The following USH2A variants were observed in gnomAD, a reference collection of about 807,000 sequenced individuals.
USH2A encodes the protein usherin.
USH2A carries 443 observed loss-of-function variants against 538.9 expected under a neutral mutation model. The ratio of observed to expected loss-of-function variants is 0.82; its 90% confidence interval spans 0.76 to 0.89. The LOEUF (loss-of-function observed/expected upper bound fraction) is 0.89. USH2A is among the 40% of genes least tolerant of loss of function. USH2A has a pLI of 0.00. For missense variants in USH2A, 6,633 were observed against 6,324.8 expected, an observed-to-expected ratio of 1.05 and a Z score of -1.65; for synonymous variants, 2,413 against 2,273.5, an observed-to-expected ratio of 1.06 and a Z score of -1.75.
intron 9 of USH2A, among the ~76,000 whole-genome samples, chr1:216,303,162 A>C (rs2037245934): frequency 6.6e-6 from 1 of 152,014 alleles, no homozygotes; most frequent in South Asian, 2.1e-4. Context: ...ACGTTCCCTT[A>C]AGAGAACAGA....
chr1:216,206,124 C>T (rs946787215), intron 16 of USH2A, among the ~76,000 whole-genome samples: 7 of 151,924 alleles, frequency 4.6e-5, no homozygotes, highest in Admixed American at 2.6e-4. Flanking sequence ...AGTTCTTTAA[C>T]CTGAGAATTA....
chr1:216,351,181 GA>G (rs1197370452), intron 4 of USH2A, among the ~76,000 whole-genome samples: 2 of 152,144 alleles, frequency 1.3e-5, no homozygotes, highest in African/African-American at 2.4e-5. Context: ...ATTATAGAGG[GA>G]AAAACAGATA....
chr1:215,916,833 T>C (rs6661521), intron 38 of USH2A, among the ~76,000 whole-genome samples: 79,667 of 151,820 alleles, frequency 0.52, 21,661 homozygotes, highest in East Asian at 0.69. Context: ...TTAGCATCCA[T>C]AGGACCAAGG....
At chr1:216,127,752 T>C (rs2033284269) in intron 21 of USH2A, among the ~76,000 whole-genome samples, 1 of 152,202 alleles carries the variant, frequency 6.6e-6, no homozygotes, top group Non-Finnish European at 1.5e-5. Flanking sequence ...GGATTCAAAT[T>C]AAATGCTGTT....
intron 61 of USH2A, among the ~76,000 whole-genome samples, chr1:215,682,816 AATT>A (rs1658282335): frequency 6.6e-6 from 1 of 151,816 alleles, no homozygotes; most frequent in Non-Finnish European, 1.5e-5. Context: ...TGTATCATGA[AATT>A]ATACTGAGGA....
At chr1:215,933,254 T>C (rs1021943533) in intron 38 of USH2A, among the ~76,000 whole-genome samples, 2 of 151,954 alleles carry the variant, frequency 1.3e-5, no homozygotes, top group Non-Finnish European at 2.9e-5. Flanking sequence ...TTTCTATCCT[T>C]CCTAGCATGT....
chr1:215,984,694 T>C (rs1459096107), intron 35 of USH2A, among the ~76,000 whole-genome samples: 1 of 152,258 alleles, frequency 6.6e-6, no homozygotes, highest in African/African-American at 2.4e-5. Context: ...CTATTTACGC[T>C]GAAGAATTGT....
Position 215,813,729 on chromosome 1 carries a change from C to T in USH2A, c.9739+7G>A. 1.2e-6 allele frequency: 2 copies of T among 1,613,688 alleles called. No homozygotes were observed. The highest frequency in any genetic ancestry group is 1.7e-6 in the Non-Finnish European group (2 of 1,179,744). Reference sequence around the variant, plus strand: ...AGTTTTTGAGTACACCTGGAAATAACCCTCACCTGGTAGAATTCTAGCGTA... The same window carrying T: ...AGTTTTTGAGTACACCTGGAAATAATCCTCACCTGGTAGAATTCTAGCGTA... On this transcript the variant is annotated splice_region_variant and intron_variant, in intron 49 of 71. Transcript: ENST00000307340.
chr1:216,341,619 A>T (rs1332809101), intron 4 of USH2A, among the ~76,000 whole-genome samples: 1 of 152,154 alleles, frequency 6.6e-6, no homozygotes, highest in Non-Finnish European at 1.5e-5. Flanking sequence ...CAGTAACCAA[A>T]ACAGCATGGT....
At chr1:215,985,823 T>C (rs965492152) in intron 35 of USH2A, among the ~76,000 whole-genome samples, 1 of 152,158 alleles carries the variant, frequency 6.6e-6, no homozygotes, top group Non-Finnish European at 1.5e-5. Flanking sequence ...CCACCCATTA[T>C]TGACAGAATA....
intron 16 of USH2A, among the ~76,000 whole-genome samples, chr1:216,205,290 T>C (rs748841735): frequency 5.3e-5 from 8 of 152,218 alleles, no homozygotes; most frequent in Non-Finnish European, 7.4e-5. Flanking sequence ...TCAGGACACC[T>C]GGATCATGCT....
At chr1:216,361,288 G>T (rs574420486) in intron 4 of USH2A, among the ~76,000 whole-genome samples, 1 of 152,144 alleles carries the variant, frequency 6.6e-6, no homozygotes, top group African/African-American at 2.4e-5. Context: ...AATTTGAAAA[G>T]TAAAATAATA....
At chr1:216,092,944 C>T (rs1019059662) in intron 22 of USH2A, among the ~76,000 whole-genome samples, 3 of 151,982 alleles carry the variant, frequency 2.0e-5, no homozygotes, top group Non-Finnish European at 4.4e-5. Flanking sequence ...TCCTCACTCC[C>T]TTTAGCCCCC....
At chr1:215,800,658 T>C (rs750210451) in intron 49 of USH2A, among the ~76,000 whole-genome samples, 1 of 152,114 alleles carries the variant, frequency 6.6e-6, no homozygotes, top group Non-Finnish European at 1.5e-5. Context: ...TATAAAAATA[T>C]GGGACAATAT....
chr1:215,674,581 G>A lies in USH2A; in HGVS notation c.13330C>T (p.Pro4444Ser). Residue 4444 changes from proline (P) to serine (S), a missense_variant, in exon 63 of 72, where the codon CCA becomes TCA. Coordinates refer to ENST00000307340, the MANE Select transcript of USH2A (RefSeq NM_206933.4). The part of the protein sequence containing the change: ...SKSAWTMEAL[P>S]ENMDSPTLQV... ...AATGTTGGAGAGTCCATGTTCTCTG[G>A]CAGGGCCTCCATTGTCCAGGCAGAT... The A allele has an allele frequency of 6.2e-7, 1 of 1,614,062 alleles. No homozygotes were observed.
intron 69 of USH2A, among the ~76,000 whole-genome samples, chr1:215,636,083 G>A (rs1050095303): frequency 1.3e-5 from 2 of 152,078 alleles, no homozygotes; most frequent in Non-Finnish European, 2.9e-5. Context: ...GGAGATGTGA[G>A]CCAGAGAGCT....
chr1:215,640,516 C>T, intron 68 of USH2A, 42 bp downstream of exon 68: 2 of 1,611,980 alleles, frequency 1.2e-6, no homozygotes, highest in Non-Finnish European at 1.7e-6. Flanking sequence ...AGCTGGGGAA[C>T]AGAGCGCCTT....
At chr1:216,317,663 CA>C (rs2037533958) in intron 9 of USH2A, among the ~76,000 whole-genome samples, 1 of 151,174 alleles carries the variant, frequency 6.6e-6, no homozygotes, top group Admixed American at 6.6e-5. Flanking sequence ...GCCTGGCCAA[CA>C]AGGTGAAACC....
At chr1:216,370,694 A>AAAAAAAAAAAAAC (rs1266109672) in intron 3 of USH2A, among the ~76,000 whole-genome samples, 1 of 150,592 alleles carries the variant, frequency 6.6e-6, no homozygotes, top group Non-Finnish European at 1.5e-5. Flanking sequence ...AAAAAAAAAA[A>AAAAAAAAAAAAAC]AAAAAAAATA....
Sources: gnomAD v4.1 joint callset for allele counts (sites outside exome capture counted in the v4.1 genomes callset) on GRCh38, gnomAD v4.1.1 for gene constraint, MANE v1.5 for transcripts, NCBI Gene and HGNC (gene_info 2026-07-23, HGNC 2026-07-21) for gene names.